The following CHIC1 variants were observed in gnomAD, a reference collection of about 807,000 sequenced individuals.
CHIC1 encodes the protein cysteine-rich hydrophobic domain-containing protein 1.
A neutral mutation model predicts 18.5 loss-of-function variants in CHIC1; 7 were observed. That is an observed-to-expected ratio of 0.38 (90% CI 0.22 to 0.71). CHIC1 has a LOEUF of 0.71. Ranked by LOEUF, CHIC1 falls within the 30% of genes least tolerant of loss-of-function variation. The pLI is 0.49. For missense variants in CHIC1, 159 were observed against 176.9 expected (o/e 0.90, Z 0.57); for synonymous variants, 77 against 73.5 (o/e 1.05, Z -0.25).
rs1432166718 is a variant in CHIC1 at position 73,683,907 on chromosome X, C to G, written c.*2902C>G. 9.0e-6 allele frequency: 1 copy of G among 111,666 alleles called. No individual in the cohort carries two copies. Among genetic ancestry groups the G allele is most frequent in the East Asian group, 2.8e-4 (1 of 3,544 alleles). 9.2% of individuals were successfully genotyped at this position (111,666 alleles called of 1,213,427 possible). A position where few individuals can be genotyped will look rare whatever the true frequency, so the allele number is the denominator to read the frequency against. ...ACTCCATCCCAGATATGTCTCCACT[C>G]TTTGTTCCCTCCTAATGCTAATTTA... On this transcript the variant is annotated 3_prime_UTR_variant, in exon 6 of 6. Coordinates refer to ENST00000373502, the MANE Select transcript of CHIC1 (RefSeq NM_001039840.4).
intron 1 of CHIC1, among the ~76,000 whole-genome samples, chrX:73,572,392 C>T (rs1364078054): frequency 9.0e-6 from 1 of 110,504 alleles, no homozygotes; most frequent in Non-Finnish European, 1.9e-5. Flanking sequence ...ATTCCATATC[C>T]TTGCTGCTAT....
Position 73,665,087 on chromosome X carries a change from C to T in CHIC1, c.508-14239C>T, listed in dbSNP as rs1249492816. On this transcript the variant is annotated intron_variant, in intron 3 of 5. Coordinates refer to ENST00000373502, the MANE Select transcript of CHIC1 (RefSeq NM_001039840.4). ...CATTAACAGGCAGGCCAAGAGCTCC[C>T]CTTCTAATGCCACTTGCCTAAGACA... Among the ~76,000 whole-genome samples the T allele has an allele frequency of 2.7e-5, 3 of 112,165 alleles. No individual in the cohort carries two copies. In the East Asian group the frequency reaches 8.4e-4, roughly 31 times the overall value.
At chrX:73,622,226 G>A (rs2057763789) in intron 3 of CHIC1, among the ~76,000 whole-genome samples, 1 of 112,036 alleles carries the variant, frequency 8.9e-6, no homozygotes, top group Non-Finnish European at 1.9e-5. Flanking sequence ...GAGTTAGGGA[G>A]GAGTCCCTCT....
chrX:73,650,065 A>T (rs1310233527), intron 3 of CHIC1, among the ~76,000 whole-genome samples: 1 of 112,582 alleles, frequency 8.9e-6, no homozygotes, highest in Admixed American at 9.4e-5. Context: ...ATGGAAATTG[A>T]AAAACCTGTT....
At chrX:73,665,402 A>C (rs2057999584) in intron 3 of CHIC1, among the ~76,000 whole-genome samples, 1 of 111,342 alleles carries the variant, frequency 9.0e-6, no homozygotes, top group South Asian at 3.8e-4. Flanking sequence ...TTGTTCCCAG[A>C]GCTCTACATC....
chrX:73,657,522 A>G (rs1475866151), intron 3 of CHIC1, among the ~76,000 whole-genome samples: 1 of 112,302 alleles, frequency 8.9e-6, no homozygotes, highest in Non-Finnish European at 1.9e-5. Flanking sequence ...TTTTGGGCTG[A>G]GACATTGGGA....
rs909756277 is a variant in CHIC1, at chrX:73,681,755, G to T, written c.*750G>T. The T allele has an allele frequency of 8.9e-6, 1 of 112,487 alleles. No individual in the cohort carries two copies. The highest frequency in any genetic ancestry group is 3.2e-5 in the African/African-American group (1 of 31,043). 9.3% of individuals were successfully genotyped at this position (112,487 alleles called of 1,213,427 possible). On this transcript the variant is annotated 3_prime_UTR_variant, in exon 6 of 6. Coordinates refer to ENST00000373502, the MANE Select transcript of CHIC1 (RefSeq NM_001039840.4). ...ATAATGAGTATGTTAAGAATTTCAG[G>T]TGTAGGGCAAGGTTGCCCTTTGTAA... is the stretch of plus-strand genomic sequence containing the variant.
At chrX:73,567,106 A>G (rs1388723723) in intron 1 of CHIC1, among the ~76,000 whole-genome samples, 1 of 110,393 alleles carries the variant, frequency 9.1e-6, no homozygotes, top group Non-Finnish European at 1.9e-5. Context: ...CTTGACCCTT[A>G]AATACCAGCA....
chrX:73,598,530 G>C (rs1190678382), intron 3 of CHIC1, among the ~76,000 whole-genome samples: 3 of 86,576 alleles, frequency 3.5e-5, no homozygotes, highest in Admixed American at 1.6e-4. Context: ...CCCTTCCTGT[G>C]TCCATGTAAT....
At chrX:73,601,911 C>G (rs1242809229) in intron 3 of CHIC1, among the ~76,000 whole-genome samples, 1 of 105,021 alleles carries the variant, frequency 9.5e-6, no homozygotes, top group East Asian at 2.9e-4. Context: ...ATACAAACTA[C>G]CATCAGAGAA....
intron 1 of CHIC1, among the ~76,000 whole-genome samples, chrX:73,575,691 T>TGTGA (rs200895203): frequency 0.047 from 5,160 of 109,763 alleles, 306 homozygotes; most frequent in African/African-American, 0.15. Flanking sequence ...AGTTGCTCTG[T>TGTGA]GTGAGTGAGT....
Position 73,682,850 on chromosome X carries a change from G to A in CHIC1, c.*1845G>A, listed in dbSNP as rs1199646546. The A allele has an allele frequency of 1.8e-5, 2 of 111,303 alleles. No homozygotes were observed. The highest frequency in any genetic ancestry group is 6.5e-5 in the African/African-American group (2 of 30,728). 9.2% of individuals were successfully genotyped at this position (111,303 alleles called of 1,213,427 possible). A position where few individuals can be genotyped will look rare whatever the true frequency, so the allele number is the denominator to read the frequency against. On this transcript the variant is annotated 3_prime_UTR_variant, in exon 6 of 6. Transcript: ENST00000373502. ...CCAAATGTCTTGTTTTGTAGCTAAG[G>A]TCGGGAAAAATTGTATCTGAGGTTT...
Position 73,565,513 on chromosome X carries a change from A to C in CHIC1, c.296+1933A>C, listed in dbSNP as rs1469690912. On this transcript the variant is annotated intron_variant, in intron 1 of 5. Transcript: ENST00000373502. Reference sequence around the variant, plus strand: ...TTCATTGACTGAAACCAAAACCTGAAAAGAAGCAAACCAGTACTAGACTCA... The same window carrying C: ...TTCATTGACTGAAACCAAAACCTGACAAGAAGCAAACCAGTACTAGACTCA... Among the ~76,000 whole-genome samples, 3 of 111,628 alleles carry C rather than the reference A, an allele frequency of 2.7e-5. No homozygotes were observed. In the Admixed American group the frequency reaches 2.9e-4, roughly 11 times the overall value.
At chrX:73,587,741 C>T (rs1040207846) in intron 3 of CHIC1, among the ~76,000 whole-genome samples, 14 of 111,674 alleles carry the variant, frequency 1.3e-4, no homozygotes, top group South Asian at 3.7e-4. Flanking sequence ...AAGCAAATTA[C>T]GTGTAATCTA....
At chrX:73,623,083 G>A (rs192004573) in intron 3 of CHIC1, among the ~76,000 whole-genome samples, 1 of 111,849 alleles carries the variant, frequency 8.9e-6, no homozygotes, top group East Asian at 2.8e-4. Flanking sequence ...TGCATTTGCT[G>A]AGTAGTGTTT....
chrX:73,675,271 A>G (rs764332461), intron 3 of CHIC1, among the ~76,000 whole-genome samples: 10 of 111,357 alleles, frequency 9.0e-5, no homozygotes, highest in Admixed American at 7.6e-4. Flanking sequence ...GCTGAGTTCA[A>G]TTCCTGGGTA....
intron 3 of CHIC1, among the ~76,000 whole-genome samples, chrX:73,661,247 A>T (rs1490973029): frequency 8.9e-6 from 1 of 112,420 alleles, no homozygotes; most frequent in Non-Finnish European, 1.9e-5. Flanking sequence ...GAAAGGCATG[A>T]GTGCTAATTA....
chrX:73,593,917 G>A (rs979223509), intron 3 of CHIC1, among the ~76,000 whole-genome samples: 57 of 111,303 alleles, frequency 5.1e-4, no homozygotes, highest in African/African-American at 1.8e-3. Flanking sequence ...ATTTCAAACT[G>A]TTTAGGATCC....
intron 3 of CHIC1, among the ~76,000 whole-genome samples, chrX:73,659,946 C>T (rs1200131341): frequency 1.8e-5 from 2 of 111,503 alleles, no homozygotes; most frequent in African/African-American, 3.3e-5. Context: ...CCATGATAGA[C>T]GCGGACATCA....
Sources: gnomAD v4.1 joint callset for allele counts (sites outside exome capture counted in the v4.1 genomes callset) on GRCh38, gnomAD v4.1.1 for gene constraint, MANE v1.5 for transcripts, NCBI Gene and HGNC (gene_info 2026-07-23, HGNC 2026-07-21) for gene names.